The following CSPP1 variants were observed in gnomAD, a reference collection of about 807,000 sequenced individuals.
CSPP1 encodes centrosome and spindle pole associated protein 1, also known as centrosome and spindle pole-associated protein 1.
In CSPP1, 126 loss-of-function variants were observed where a neutral mutation model predicts 164.4. The observed-to-expected ratio is 0.77, with a 90% confidence interval of 0.66 to 0.89. The LOEUF is 0.89. Among genes scored for constraint, CSPP1 ranks in the 40% least tolerant of loss-of-function variants. CSPP1 has a pLI of 0.00. For synonymous variants in CSPP1, 472 were observed against 476.7 expected (o/e 0.99, Z 0.13); for missense variants, 1,395 against 1,449.8 (o/e 0.96, Z 0.61).
intron 28 of CSPP1, among the ~76,000 whole-genome samples, chr8:67,180,740 T>C (rs924069447): frequency 3.9e-5 from 6 of 152,204 alleles, no homozygotes; most frequent in Admixed American, 1.3e-4. Flanking sequence ...CTATTTCTTA[T>C]ACCTGTGTAC....
intron 9 of CSPP1, 38 bp from the exon 10 acceptor site, chr8:67,111,934 A>G (rs1816931651): frequency 7.7e-7 from 1 of 1,291,136 alleles, no homozygotes; most frequent in Non-Finnish European, 1.1e-6. Context: ...TACGATGCTT[A>G]AGAGTTAAGA....
chr8:67,141,712 G>A (rs1453414790), intron 17 of CSPP1, among the ~76,000 whole-genome samples: 1 of 152,138 alleles, frequency 6.6e-6, no homozygotes, highest in Admixed American at 6.5e-5. Context: ...GTAAAGATGG[G>A]GTTTCACCAT....
chr8:67,102,496 A>C (rs1814334951), intron 7 of CSPP1, among the ~76,000 whole-genome samples: 1 of 152,184 alleles, frequency 6.6e-6, no homozygotes, highest in Non-Finnish European at 1.5e-5. Context: ...AGGCTGAGGC[A>C]GGGGAATCAC....
rs1586996555 is a variant in CSPP1 at position 67,195,617 on chromosome 8, A to C, written c.*24A>C. 7 of 1,600,948 alleles carry C rather than the reference A, an allele frequency of 4.4e-6. No individual in the cohort carries two copies. In the East Asian group the frequency reaches 1.1e-4, roughly 26 times the overall value. ...AAAATAAACCTGTACTGGACCCAGTAGTGCCTTTTAAGGTGAAAGGAATGG... is the reference window on the plus strand; with the variant it reads ...AAAATAAACCTGTACTGGACCCAGTCGTGCCTTTTAAGGTGAAAGGAATGG... On this transcript the variant is annotated 3_prime_UTR_variant, in exon 31 of 31. Transcript: ENST00000678616.
In CSPP1 at chr8:67,095,720, A is replaced by G. The variant is rs1812607440; in HGVS notation, c.911A>G (p.Tyr304Cys). 1.3e-6 allele frequency: 2 copies of G among 1,569,112 alleles called. No homozygotes were observed. Among genetic ancestry groups the G allele is most frequent in the South Asian group, 1.2e-5 (1 of 85,992 alleles). ...TTTGATAGAAGACTTTCGAGAGTGT[A>G]TACAAATGACAGGTATTTACAACTT... The part of the protein sequence containing the change: ...SDFDRRLSRV[Y>C]TNDRMHRNKR... Residue 304 changes from tyrosine to cysteine, a missense_variant, in exon 7 of 31, where the codon TAT (tyrosine) becomes TGT (cysteine). Coordinates refer to ENST00000678616, the MANE Select transcript of CSPP1 (RefSeq NM_001382391.1).
intron 3 of CSPP1, among the ~76,000 whole-genome samples, chr8:67,083,393 G>A (rs1023042855): frequency 6.6e-6 from 1 of 151,290 alleles, no homozygotes; most frequent in Non-Finnish European, 1.5e-5. Flanking sequence ...TTAGCCAGGT[G>A]TGGTGGCAGG....
chr8:67,066,640 A>G (rs781336656), intron 1 of CSPP1, among the ~76,000 whole-genome samples: 1 of 152,024 alleles, frequency 6.6e-6, no homozygotes, highest in Non-Finnish European at 1.5e-5. Context: ...TCCATTATGG[A>G]TATCTCACAT....
intron 21 of CSPP1, 128 bp downstream of exon 21, chr8:67,159,265 T>A (rs2129560325): frequency 1.2e-6 from 1 of 860,792 alleles, no homozygotes; most frequent in East Asian, 2.5e-5. Flanking sequence ...TCTTACTGTT[T>A]AGTCTGGGCA....
At position 67,171,085 on chromosome 8, in the gene CSPP1, C is replaced by A. The variant is rs374916336; in HGVS notation, c.2829-1331C>A. Among the ~76,000 whole-genome samples, 111 of 141,330 alleles carry A rather than the reference C, an allele frequency of 7.9e-4. 1 individual carries two copies. The highest frequency in any genetic ancestry group is 2.7e-3 in the African/African-American group (105 of 39,532). The allele number at this position is 141,330 out of a possible 152,430, so 92.7% of individuals were successfully genotyped here. ...ACAGGCATGAGCTACTGTGCCCGGCCAATTTTTTTTTTTTTTTTAAGAGAC... is the reference window on the plus strand; with the variant it reads ...ACAGGCATGAGCTACTGTGCCCGGCAAATTTTTTTTTTTTTTTTAAGAGAC... On this transcript the variant is annotated intron_variant, in intron 24 of 30. Coordinates refer to ENST00000678616, the MANE Select transcript of CSPP1 (RefSeq NM_001382391.1).
chr8:67,104,624 C>T (rs1196838402), intron 8 of CSPP1, among the ~76,000 whole-genome samples: 1 of 150,884 alleles, frequency 6.6e-6, no homozygotes, highest in Non-Finnish European at 1.5e-5. Flanking sequence ...TATTTACGTG[C>T]ACTTTTTTTC....
rs573308456 is a variant in CSPP1 at position 67,071,991 on chromosome 8, G to T, written c.-10-2252G>T. On this transcript the variant is annotated intron_variant, in intron 1 of 30. Coordinates refer to ENST00000678616, the MANE Select transcript of CSPP1 (RefSeq NM_001382391.1). Reference sequence around the variant, plus strand: ...TATTTGTGATCTTGGGTTAGGCAAAGATTTTTTTTAGCTGGGCGTGGTGGC... The same window carrying T: ...TATTTGTGATCTTGGGTTAGGCAAATATTTTTTTTAGCTGGGCGTGGTGGC... 2.0e-5 allele frequency among the ~76,000 whole-genome samples: 3 copies of T among 152,296 alleles called. No individual in the cohort carries two copies. The East Asian group carries it at 5.8e-4, about 29-fold the overall frequency.
At chr8:67,122,538 C>G (rs1819174403) in intron 15 of CSPP1, among the ~76,000 whole-genome samples, 1 of 152,132 alleles carries the variant, frequency 6.6e-6, no homozygotes, top group South Asian at 2.1e-4. Context: ...TTGTGAATTT[C>G]CCAAATATCC....
chr8:67,074,783 T>A (rs1268685191), intron 2 of CSPP1: 1 of 319,414 alleles, frequency 3.1e-6, no homozygotes, highest in Non-Finnish European at 5.9e-6. Flanking sequence ...CTTAAAATAA[T>A]TGCTTTTTTT....
intron 28 of CSPP1, among the ~76,000 whole-genome samples, chr8:67,183,847 T>A (rs1283672113): frequency 6.9e-6 from 1 of 143,934 alleles, no homozygotes; most frequent in Non-Finnish European, 1.5e-5. Context: ...TTGGGAATTT[T>A]TTTTTTTTTT....
chr8:67,090,386 G>T (rs1461601361), intron 4 of CSPP1, among the ~76,000 whole-genome samples: 5 of 151,948 alleles, frequency 3.3e-5, no homozygotes, highest in African/African-American at 1.2e-4. Context: ...TTTGGGTTCA[G>T]GTGATTCTCC....
At chr8:67,163,534 C>A (rs935836262) in intron 22 of CSPP1, among the ~76,000 whole-genome samples, 198 bp from the exon 23 acceptor site, 2 of 151,996 alleles carry the variant, frequency 1.3e-5, no homozygotes, top group Non-Finnish European at 2.9e-5. Context: ...AATAGATTTA[C>A]ATGGTAGATA....
intron 1 of CSPP1, among the ~76,000 whole-genome samples, chr8:67,065,803 A>C (rs1585754243): frequency 6.6e-6 from 1 of 152,296 alleles, no homozygotes; most frequent in East Asian, 1.9e-4. Context: ...TGCTGGAATT[A>C]CGGCCCTGAG....
intron 22 of CSPP1, 59 bp downstream of exon 22, chr8:67,161,974 G>A (rs749642956): frequency 2.9e-5 from 33 of 1,131,370 alleles, no homozygotes; most frequent in South Asian, 5.4e-5. Context: ...TTGGGGGATC[G>A]AATGAAATTT....
intron 3 of CSPP1, among the ~76,000 whole-genome samples, chr8:67,077,022 A>G (rs953384748): frequency 2.6e-5 from 4 of 152,238 alleles, no homozygotes; most frequent in Admixed American, 2.6e-4. Context: ...AGAAGTTAAT[A>G]CTGTAGCCAT....
Sources: allele counts gnomAD v4.1 joint callset (sites outside exome capture counted in the v4.1 genomes callset), GRCh38; gene constraint gnomAD v4.1.1; transcripts MANE v1.5; gene names NCBI Gene and HGNC (gene_info 2026-07-23, HGNC 2026-07-21).